Variants in ATP9B observed in about 807,000 individuals in gnomAD.
ATP9B encodes probable phospholipid-transporting ATPase IIB.
A neutral mutation model predicts 146.1 loss-of-function variants in ATP9B; 110 were observed. The ratio of observed to expected loss-of-function variants is 0.75; its 90% CI spans 0.65 to 0.88. The LOEUF (loss-of-function observed/expected upper bound fraction) is 0.88, where lower values mean the gene tolerates loss of function less well. ATP9B is among the 40% of genes least tolerant of loss of function. The pLI is 0.00. For missense variants in ATP9B, 1,499 were observed against 1,496.4 expected (o/e 1.00, Z -0.03); for synonymous variants, 604 against 569.7 (o/e 1.06, Z -0.86).
At chr18:79,156,061 C>A (rs1054939454) in intron 7 of ATP9B, among the ~76,000 whole-genome samples, 2 of 152,116 alleles carry the variant, frequency 1.3e-5, no homozygotes, top group African/African-American at 4.8e-5. Context: ...TGCACCCGGC[C>A]AAATGTTTTC....
In ATP9B at chr18:79,069,577, C is replaced by T. The variant is rs2071458412; in HGVS notation, c.119+48C>T. On this transcript the variant is annotated intron_variant, in intron 1 of 29. Transcript: ENST00000426216. ...CGTTCCCCGCCGACGCTCCCCGGGG[C>T]CCCCAGCCCACCGCAGGAACCCGGA... 4.2e-6 allele frequency: 5 copies of T among 1,188,700 alleles called. No homozygotes were observed. In the South Asian group the frequency reaches 7.6e-5, roughly 18 times the overall value. The allele number at this position is 1,188,700 out of a possible 1,614,324, so 73.6% of individuals were successfully genotyped here. A position where few individuals can be genotyped will look rare whatever the true frequency, so the allele number is the denominator to read the frequency against.
At chr18:79,259,915 T>C (rs1280541221) in intron 12 of ATP9B, among the ~76,000 whole-genome samples, 1 of 152,096 alleles carries the variant, frequency 6.6e-6, no homozygotes, top group African/African-American at 2.4e-5. Flanking sequence ...GTGAAAAGAG[T>C]GTTTTCAACT....
chr18:79,307,308 C>T (rs748364033), intron 15 of ATP9B, 74 bp downstream of exon 15: 1 of 1,593,012 alleles, frequency 6.3e-7, no homozygotes, highest in Non-Finnish European at 8.6e-7. Context: ...TTCATTCTTT[C>T]TGGGATGGGG....
chr18:79,371,285 T>C (rs2097068069), intron 26 of ATP9B, among the ~76,000 whole-genome samples: 2 of 148,400 alleles, frequency 1.3e-5, no homozygotes, highest in South Asian at 4.2e-4. Context: ...GGCAGGAGAA[T>C]TGCTTGAACC....
chr18:79,256,275 A>ATATATATATATATG (rs2096077647), intron 12 of ATP9B, among the ~76,000 whole-genome samples: 1 of 132,784 alleles, frequency 7.5e-6, no homozygotes, highest in African/African-American at 2.9e-5. Context: ...ATATATATAT[A>ATATATATATATATG]TATATATATA....
chr18:79,081,282 C>T (rs569801384), intron 1 of ATP9B, among the ~76,000 whole-genome samples: 7 of 152,048 alleles, frequency 4.6e-5, no homozygotes, highest in South Asian at 4.2e-4. Context: ...TATTAATTAC[C>T]GTCTCAGTTT....
chr18:79,306,090 A>G (rs912926336), intron 14 of ATP9B, among the ~76,000 whole-genome samples: 4 of 152,348 alleles, frequency 2.6e-5, no homozygotes, highest in East Asian at 3.9e-4. Flanking sequence ...CTGAGCAGAA[A>G]GTTAAACCCT....
chr18:79,072,626 G>A (rs1008831047), intron 1 of ATP9B, among the ~76,000 whole-genome samples: 4 of 152,078 alleles, frequency 2.6e-5, no homozygotes, highest in South Asian at 4.1e-4. Context: ...CGACAAAACC[G>A]CCATCGTCAT....
At chr18:79,344,402 C>T (rs757986311) in intron 21 of ATP9B, 48 bp downstream of exon 21, 70 of 1,552,662 alleles carry the variant, frequency 4.5e-5, no homozygotes, top group Middle Eastern at 1.7e-4. Context: ...GTCTCTGAGG[C>T]AAGGCTGGTC....
At chr18:79,193,666 A>G (rs1432380048) in intron 9 of ATP9B, among the ~76,000 whole-genome samples, 2 of 152,188 alleles carry the variant, frequency 1.3e-5, no homozygotes, top group African/African-American at 4.8e-5. Context: ...TTATACACAT[A>G]TGTATATTTC....
At chr18:79,369,493 A>T (rs2097056389) in intron 26 of ATP9B, among the ~76,000 whole-genome samples, 1 of 144,754 alleles carries the variant, frequency 6.9e-6, no homozygotes, top group Admixed American at 7.3e-5. Flanking sequence ...AGGTCGCACC[A>T]CTGCACTCCA....
At chr18:79,312,797 T>C (rs2146699522) in intron 15 of ATP9B, among the ~76,000 whole-genome samples, 1 of 152,358 alleles carries the variant, frequency 6.6e-6, no homozygotes, top group East Asian at 1.9e-4. Flanking sequence ...AGATGGTATT[T>C]GCCTTTTTGG....
At chr18:79,111,842 A>G (rs1419854126) in intron 3 of ATP9B, among the ~76,000 whole-genome samples, 2 of 152,176 alleles carry the variant, frequency 1.3e-5, no homozygotes, top group Non-Finnish European at 2.9e-5. Flanking sequence ...CTCTGAAATT[A>G]GTCTTTTCAT....
intron 15 of ATP9B, among the ~76,000 whole-genome samples, chr18:79,318,388 C>T (rs2096694649): frequency 6.6e-6 from 1 of 152,188 alleles, no homozygotes; most frequent in Admixed American, 6.6e-5. Flanking sequence ...CTCCCCAGCC[C>T]CACAGCCCCA....
In ATP9B at chr18:79,303,701, G is replaced by A; in HGVS notation, c.1509G>A (p.Arg503=). 1 of 1,613,800 alleles carries A rather than the reference G, an allele frequency of 6.2e-7. No homozygotes were observed. Among genetic ancestry groups the A allele is most frequent in the South Asian group, 1.1e-5 (1 of 91,056 alleles). ...DTMDEIQSHV[R]DSYSQMQSQA... ...TGGATGAGATCCAGAGCCATGTCAGGGACTCCTACTCACAGGTAAGTGGGT... is the reference window on the plus strand; with the variant it reads ...TGGATGAGATCCAGAGCCATGTCAGAGACTCCTACTCACAGGTAAGTGGGT... Residue 503 remains arginine, a synonymous_variant, in exon 14 of 30, where the codon AGG becomes AGA. Transcript: ENST00000426216.
chr18:79,266,968 A>ATT (rs566929109), intron 12 of ATP9B, among the ~76,000 whole-genome samples: 1 of 151,260 alleles, frequency 6.6e-6, no homozygotes, highest in Non-Finnish European at 1.5e-5. Context: ...TCATAAAAAT[A>ATT]TTTTTTTTTC....
intron 15 of ATP9B, among the ~76,000 whole-genome samples, chr18:79,312,161 C>T (rs1007379531): frequency 2.0e-5 from 3 of 152,198 alleles, no homozygotes; most frequent in African/African-American, 7.2e-5. Flanking sequence ...GGCTTCCCTG[C>T]TTGGGTTCAA....
At chr18:79,074,598 A>G (rs911162097) in intron 1 of ATP9B, among the ~76,000 whole-genome samples, 1 of 152,228 alleles carries the variant, frequency 6.6e-6, no homozygotes, top group Non-Finnish European at 1.5e-5. Context: ...TGTAGTGGCA[A>G]GTTCCCCTTA....
intron 1 of ATP9B, among the ~76,000 whole-genome samples, chr18:79,083,955 T>G (rs1166917088): frequency 6.6e-6 from 1 of 151,402 alleles, no homozygotes; most frequent in East Asian, 2.0e-4. Context: ...CTCTCCTGGC[T>G]TCAAGCGACT....
Sources: allele counts gnomAD v4.1 joint callset (sites outside exome capture counted in the v4.1 genomes callset), GRCh38; gene constraint gnomAD v4.1.1; transcripts MANE v1.5; gene names NCBI Gene and HGNC (gene_info 2026-07-23, HGNC 2026-07-21).